GSAP: variants seen among roughly 807,000 people sequenced by gnomAD.
GSAP encodes gamma-secretase activating protein, also known as gamma-secretase-activating protein.
In GSAP, 118 loss-of-function variants were observed where a neutral mutation model predicts 131.7. The ratio of observed to expected loss-of-function variants is 0.90; its 90% CI spans 0.77 to 1.04. The LOEUF (loss-of-function observed/expected upper bound fraction) is 1.04, where lower values mean the gene tolerates loss of function less well. GSAP is among the 50% of genes least tolerant of loss of function. GSAP has a pLI of 0.00. For missense variants in GSAP, 1,019 were observed against 1,013.2 expected (o/e 1.01, Z -0.08); for synonymous variants, 381 against 363.4 (o/e 1.05, Z -0.55).
In GSAP at chr7:77,378,430, G is replaced by A. The variant is rs537541321; in HGVS notation, c.577-1040C>T. The stretch of plus-strand genomic sequence containing the variant: ...ATCCAACAGGCGGAGGTTACAGTGA[G>A]CCAAGATCCCACCACTGCACTCCAG... On this transcript the variant is annotated intron_variant, in intron 8 of 30. Coordinates refer to ENST00000257626, the MANE Select transcript of GSAP (RefSeq NM_017439.4). Among the ~76,000 whole-genome samples the A allele has an allele frequency of 2.6e-5, 4 of 152,016 alleles. No individual in the cohort carries two copies. In the East Asian group the frequency reaches 7.7e-4, roughly 29 times the overall value.
chr7:77,330,571 CTCT>C lies in GSAP; in HGVS notation c.1546-207_1546-205del, dbSNP rs369374682. ...CTTCTTTACCCACTTCATTTTCTGT[CTCT>C]TTTTTTTTTTTTTTTTTTTGTCGTT... On this transcript the variant is annotated intron_variant, in intron 19 of 30. Coordinates refer to ENST00000257626, the MANE Select transcript of GSAP (RefSeq NM_017439.4). The C allele has an allele frequency of 5.2e-5, 49 of 934,248 alleles. No individual in the cohort carries two copies. The African/African-American group carries it at 6.1e-4, about 12-fold the overall frequency. The allele number at this position is 934,248 out of a possible 1,614,324, so 57.9% of individuals were successfully genotyped here.
In GSAP at chr7:77,404,550, G is replaced by A; in HGVS notation, c.243+9C>T. ...GTAAAGTAACCAATGAGTAATCTAT[G>A]ATTTTTACCTCATTTTGTCTGGTTT... On this transcript the variant is annotated intron_variant, in intron 3 of 30. Coordinates refer to ENST00000257626, the MANE Select transcript of GSAP (RefSeq NM_017439.4). 2.7e-6 allele frequency: 4 copies of A among 1,462,414 alleles called. No individual in the cohort carries two copies. Among genetic ancestry groups the A allele is most frequent in the Middle Eastern group, 1.8e-4 (1 of 5,698 alleles). 90.6% of individuals were successfully genotyped at this position (1,462,414 alleles called of 1,614,324 possible). A position where few individuals can be genotyped will look rare whatever the true frequency, so the allele number is the denominator to read the frequency against.
At chr7:77,366,586 C>A (rs1421918799) in intron 12 of GSAP, among the ~76,000 whole-genome samples, 1 of 152,170 alleles carries the variant, frequency 6.6e-6, no homozygotes, top group African/African-American at 2.4e-5. Context: ...TTCTATTGGT[C>A]TATGTGCCTG....
intron 16 of GSAP, 115 bp downstream of exon 16, chr7:77,355,098 C>T (rs2150869705): frequency 1.5e-6 from 1 of 681,010 alleles, no homozygotes; most frequent in Non-Finnish European, 2.5e-6. Flanking sequence ...AGCAAGGCCA[C>T]ACACCTCAAT....
At chr7:77,354,677 C>CTTTTTT (rs58464934) in intron 16 of GSAP, among the ~76,000 whole-genome samples, 1 of 140,792 alleles carries the variant, frequency 7.1e-6, no homozygotes. Context: ...CGTCTAATGT[C>CTTTTTT]TTTTTTTTTT....
At chr7:77,409,468 T>C (rs1563143405) in intron 1 of GSAP, among the ~76,000 whole-genome samples, 1 of 152,188 alleles carries the variant, frequency 6.6e-6, no homozygotes, top group Non-Finnish European at 1.5e-5. Context: ...AAAGGTGGCG[T>C]AGACTGAACT....
At chr7:77,399,359 C>T (rs1012462209) in intron 3 of GSAP, among the ~76,000 whole-genome samples, 4 of 152,180 alleles carry the variant, frequency 2.6e-5, no homozygotes, top group South Asian at 4.1e-4. Flanking sequence ...TCAGCTTCCA[C>T]ACAATAGAGC....
intron 6 of GSAP, among the ~76,000 whole-genome samples, chr7:77,383,720 T>C (rs1460813432): frequency 6.6e-6 from 1 of 152,198 alleles, no homozygotes; most frequent in Non-Finnish European, 1.5e-5. Flanking sequence ...AGGGCAATTG[T>C]AAACCAGCCA....
intron 5 of GSAP, among the ~76,000 whole-genome samples, chr7:77,387,972 T>C (rs988642768): frequency 5.3e-5 from 8 of 152,250 alleles, no homozygotes; most frequent in African/African-American, 9.6e-5. Context: ...ATGGATATCA[T>C]TTTTCCCAAT....
In GSAP at chr7:77,321,369, C is replaced by A. The variant is rs17151689; in HGVS notation, c.1958G>T (p.Trp653Leu). Residue 653 changes from tryptophan to leucine, a missense_variant, in exon 25 of 31, where the codon TGG (tryptophan) becomes TTG (leucine). Trp to Leu is a moderately conservative substitution (Grantham distance 61). Coordinates refer to ENST00000257626, the MANE Select transcript of GSAP (RefSeq NM_017439.4). ...CCAGGAATGAAGATTATGTTTCCTC[C>A]AATTGGTTTCTACGATGTGGCAAAT... ...DLICHIVETN[W>L]RKHNLHSWVL... is the part of the protein sequence containing the mutation. The A allele has an allele frequency of 0.051, 81,714 of 1,605,768 alleles. 2,559 individuals are homozygous for A. Among genetic ancestry groups the A allele is most frequent in the African/African-American group, 0.11 (8,238 of 74,756 alleles).
At chr7:77,337,231 C>A (rs774208353) in intron 19 of GSAP, among the ~76,000 whole-genome samples, 37 of 147,646 alleles carry the variant, frequency 2.5e-4, no homozygotes, top group Admixed American at 9.7e-4. Flanking sequence ...TGGCTCACTA[C>A]AACCTCCACC....
At chr7:77,396,263 C>A (rs982937715) in intron 5 of GSAP, among the ~76,000 whole-genome samples, 8 of 151,522 alleles carry the variant, frequency 5.3e-5, no homozygotes, top group Non-Finnish European at 8.8e-5. Context: ...GGAAAAAAAA[C>A]AAAGACATTC....
chr7:77,360,821 C>T lies in GSAP; in HGVS notation c.1027+3G>A. On this transcript the variant is annotated splice_donor_region_variant and intron_variant, in intron 14 of 30. Coordinates refer to ENST00000257626, the MANE Select transcript of GSAP (RefSeq NM_017439.4). ...CAGGGGGTGTGATCTCTCCATCACT[C>T]ACCAAGGTTGAGAAAAGTAATGCCC... 3 of 1,521,098 alleles carry T rather than the reference C, an allele frequency of 2.0e-6. No homozygotes were observed. The highest frequency in any genetic ancestry group is 2.7e-6 in the Non-Finnish European group (3 of 1,096,156). 94.2% of individuals were successfully genotyped at this position (1,521,098 alleles called of 1,614,324 possible). A position where few individuals can be genotyped will look rare whatever the true frequency, so the allele number is the denominator to read the frequency against.
chr7:77,326,834 T>C (rs1034129780), intron 22 of GSAP: 1 of 152,360 alleles, frequency 6.6e-6, no homozygotes, highest in African/African-American at 2.4e-5. Context: ...TGATTTGCAA[T>C]GCACACTACA....
At chr7:77,400,622 G>A (rs1174640928) in intron 3 of GSAP, among the ~76,000 whole-genome samples, 1 of 152,112 alleles carries the variant, frequency 6.6e-6, no homozygotes, top group Non-Finnish European at 1.5e-5. Context: ...ATTATCACAG[G>A]AGGTATGCTA....
At chr7:77,388,611 TTTA>T (rs1453790837) in intron 5 of GSAP, among the ~76,000 whole-genome samples, 1 of 152,222 alleles carries the variant, frequency 6.6e-6, no homozygotes, top group African/African-American at 2.4e-5. Context: ...TATTTGAGCT[TTTA>T]TTGAGACTCT....
chr7:77,350,419 A>C (rs1792662244), intron 18 of GSAP, among the ~76,000 whole-genome samples: 1 of 149,944 alleles, frequency 6.7e-6, no homozygotes, highest in South Asian at 2.1e-4. Flanking sequence ...AACTTAAAGT[A>C]TAATAATTAA....
intron 12 of GSAP, among the ~76,000 whole-genome samples, chr7:77,370,938 CCAGA>C (rs1004840185): frequency 8.7e-4 from 132 of 152,276 alleles, no homozygotes; most frequent in African/African-American, 2.8e-3. Context: ...TTCTCTCTCT[CCAGA>C]CATTCTTTTT....
intron 3 of GSAP, among the ~76,000 whole-genome samples, chr7:77,399,785 A>G (rs1563121460): frequency 6.6e-6 from 1 of 151,976 alleles, no homozygotes; most frequent in African/African-American, 2.4e-5. Context: ...CTGGACATAT[A>G]TTTTTTAAGT....
Sources: gnomAD v4.1 joint callset for allele counts (sites outside exome capture counted in the v4.1 genomes callset) on GRCh38, gnomAD v4.1.1 for gene constraint, MANE v1.5 for transcripts, NCBI Gene and HGNC (gene_info 2026-07-23, HGNC 2026-07-21) for gene names.